PAPPA: variants seen among roughly 807,000 people sequenced by gnomAD.
PAPPA encodes pappalysin-1.
In PAPPA, 60 loss-of-function variants were observed where a neutral mutation model predicts 164.0. The ratio of observed to expected loss-of-function variants is 0.37; its 90% CI spans 0.30 to 0.45. The LOEUF is 0.45. Among genes scored for constraint, PAPPA ranks in the 20% least tolerant of loss-of-function variants. PAPPA has a pLI of 1.00. For missense variants in PAPPA, 1,782 were observed against 2,087.3 expected (o/e 0.85, Z 2.85); for synonymous variants, 875 against 814.1 (o/e 1.07, Z -1.27).
At chr9:116,257,723 G>C (rs1207199114) in intron 7 of PAPPA, among the ~76,000 whole-genome samples, 1 of 151,818 alleles carries the variant, frequency 6.6e-6, no homozygotes, top group Non-Finnish European at 1.5e-5. Flanking sequence ...AAAGTCTGAG[G>C]ATTGAAAAGG....
chr9:116,388,147 A>C (rs905556589), intron 21 of PAPPA, among the ~76,000 whole-genome samples: 1 of 152,228 alleles, frequency 6.6e-6, no homozygotes, highest in African/African-American at 2.4e-5. Context: ...CGGCTGGCAG[A>C]CAAGAGCAAG....
rs779997395 is a variant in PAPPA at position 116,331,251 on chromosome 9, G to A, written c.3155G>A (p.Arg1052Gln). ...TTCTTTATATTTTTCCAGGTGTGTC[G>A]AACCAAGGTGATAGATCTCAGTGAA... ...IGQPAASQVC[R>Q]TKVIDLSEGI... Residue 1052 changes from arginine to glutamine, a missense_variant, in exon 11 of 22, where the codon CGA (arginine) becomes CAA (glutamine). This residue lies in a region of PAPPA where 1,324 missense variants were observed against 1,656.9 expected (regional missense o/e 0.80). Transcript: ENST00000328252. 2.0e-5 allele frequency: 32 copies of A among 1,597,552 alleles called. No homozygotes were observed. The highest frequency in any genetic ancestry group is 1.1e-4 in the African/African-American group (8 of 74,532).
At chr9:116,173,932 C>T (rs1843801726) in intron 1 of PAPPA, among the ~76,000 whole-genome samples, 2 of 151,888 alleles carry the variant, frequency 1.3e-5, no homozygotes, top group Admixed American at 1.3e-4. Flanking sequence ...TCAGCTTTCC[C>T]CTGACTAAGC....
chr9:116,293,693 G>A (rs1351996638), intron 9 of PAPPA, among the ~76,000 whole-genome samples: 1 of 152,236 alleles, frequency 6.6e-6, no homozygotes, highest in Non-Finnish European at 1.5e-5. Context: ...GGTGGCTCAT[G>A]CCTGTAATCC....
intron 2 of PAPPA, among the ~76,000 whole-genome samples, chr9:116,202,609 G>A (rs993802807): frequency 1.2e-4 from 19 of 152,238 alleles, no homozygotes; most frequent in Admixed American, 4.6e-4. Flanking sequence ...CTTGAGAGGC[G>A]GCTCAGGGGA....
intron 7 of PAPPA, among the ~76,000 whole-genome samples, chr9:116,249,154 G>A (rs1024445764): frequency 2.0e-5 from 3 of 152,204 alleles, no homozygotes; most frequent in Non-Finnish European, 2.9e-5. Flanking sequence ...TCTACTTAAT[G>A]TGAAAGTAAA....
intron 10 of PAPPA, among the ~76,000 whole-genome samples, chr9:116,321,385 A>G (rs1014118109): frequency 2.6e-5 from 4 of 152,186 alleles, no homozygotes; most frequent in African/African-American, 9.7e-5. Context: ...GAAGATAGAA[A>G]AGACAAGAGC....
Position 116,251,371 on chromosome 9 carries a change from T to A in PAPPA, c.2733-14486T>A, listed in dbSNP as rs1440915144. 1.2e-4 allele frequency among the ~76,000 whole-genome samples: 19 copies of A among 152,154 alleles called. 1 individual carries two copies. The highest frequency in any genetic ancestry group is 1.2e-3 in the Admixed American group (19 of 15,272). ...GGGGAGAGAAGAAAGAGAAGCCCAG[T>A]CCCCAAATGGTTTTAGATGTGGTGC... On this transcript the variant is annotated intron_variant, in intron 7 of 21. Transcript: ENST00000328252.
intron 4 of PAPPA, among the ~76,000 whole-genome samples, chr9:116,214,889 T>A: frequency 6.6e-6 from 1 of 152,174 alleles, no homozygotes; most frequent in East Asian, 1.9e-4. Flanking sequence ...AAGGAATATA[T>A]CCAAAGCAAA....
rs1398044264 is a variant in PAPPA at position 116,155,000 on chromosome 9, A to C, written c.415+413A>C. Reference sequence around the variant, plus strand: ...GACCGTTGATTTCTTTGACGTTTTAATGGAGGTAACTCCCCTTCATTAGGC... The same window carrying C: ...GACCGTTGATTTCTTTGACGTTTTACTGGAGGTAACTCCCCTTCATTAGGC... On this transcript the variant is annotated intron_variant, in intron 1 of 21. Coordinates refer to ENST00000328252, the MANE Select transcript of PAPPA (RefSeq NM_002581.5). This position sits in a 1 kb window ranked among gnomAD's most constrained non-coding sequence, Gnocchi z 5.2. Among the ~76,000 whole-genome samples the C allele has an allele frequency of 2.6e-5, 4 of 152,174 alleles. No individual in the cohort carries two copies. The highest frequency in any genetic ancestry group is 5.9e-5 in the Non-Finnish European group (4 of 68,028).
At position 116,207,416 on chromosome 9, in the gene PAPPA, T is replaced by G. The variant is rs766211248; in HGVS notation, c.1479-40T>G. 1.5e-5 allele frequency: 23 copies of G among 1,574,968 alleles called. No individual in the cohort carries two copies. In the African/African-American group the frequency reaches 2.4e-4, roughly 17 times the overall value. ...ATTTGGAGAGGGCCTGTTATCTTTT[T>G]GGGGGCATGATAACAGCCAAGGTTC... On this transcript the variant is annotated intron_variant, in intron 2 of 21. Coordinates refer to ENST00000328252, the MANE Select transcript of PAPPA (RefSeq NM_002581.5).
intron 1 of PAPPA, among the ~76,000 whole-genome samples, chr9:116,174,108 T>C (rs1277576659): frequency 6.6e-6 from 1 of 152,226 alleles, no homozygotes; most frequent in Non-Finnish European, 1.5e-5. Flanking sequence ...AATATTTCCC[T>C]GCTTGCATTA....
At chr9:116,172,693 T>C (rs1843787658) in intron 1 of PAPPA, among the ~76,000 whole-genome samples, 1 of 152,196 alleles carries the variant, frequency 6.6e-6, no homozygotes, top group South Asian at 2.1e-4. Flanking sequence ...ATCAATCTTC[T>C]CTGTTTCATA....
In PAPPA at chr9:116,154,155, C is replaced by CGGTGCGGGGGGGAGGGGGGGGG; in HGVS notation, c.-16_-15insTGCGGGGGGGAGGGGGGGGGGG. 1 of 464,990 alleles carries CGGTGCGGGGGGGAGGGGGGGGG rather than the reference C, an allele frequency of 2.2e-6. No individual in the cohort carries two copies. Among genetic ancestry groups the CGGTGCGGGGGGGAGGGGGGGGG allele is most frequent in the Non-Finnish European group, 2.9e-6 (1 of 345,720 alleles). 28.8% of individuals were successfully genotyped at this position (464,990 alleles called of 1,614,324 possible). On this transcript the variant is annotated 5_prime_UTR_variant, in exon 1 of 22. Coordinates refer to ENST00000328252, the MANE Select transcript of PAPPA (RefSeq NM_002581.5). This position sits in a 1 kb window ranked among gnomAD's most constrained non-coding sequence, Gnocchi z 5.2. ...TGGCGGTGCAGGGGCGAAGGGGGGG[C>CGGTGCGGGGGGGAGGGGGGGGG]GGGGGGAACCGTCGGACATGCGGCT...
At chr9:116,362,980 G>A (rs1178061809) in intron 18 of PAPPA, among the ~76,000 whole-genome samples, 1 of 152,212 alleles carries the variant, frequency 6.6e-6, no homozygotes, top group African/African-American at 2.4e-5. Context: ...GCTGTCAGGT[G>A]CCTGGTGGGG....
rs149371408 is a variant in PAPPA at position 116,345,360 on chromosome 9, G to T, written c.3780+649G>T. ...CAGCTAACTAGACAGATCAGCAAAG[G>T]GGTGTGTGTTGGGGAGAAGGAAGAA... On this transcript the variant is annotated intron_variant, in intron 14 of 21. Coordinates refer to ENST00000328252, the MANE Select transcript of PAPPA (RefSeq NM_002581.5). Among the ~76,000 whole-genome samples the T allele has an allele frequency of 4.6e-4, 69 of 151,630 alleles. No homozygotes were observed. In the East Asian group the frequency reaches 0.011, roughly 24 times the overall value.
At chr9:116,333,144 G>T (rs1012950800) in intron 12 of PAPPA, among the ~76,000 whole-genome samples, 3 of 152,094 alleles carry the variant, frequency 2.0e-5, no homozygotes, top group African/African-American at 7.2e-5. Context: ...AGAGGAGAGA[G>T]CCTGAATCCA....
intron 10 of PAPPA, among the ~76,000 whole-genome samples, chr9:116,308,720 C>G (rs889320479): frequency 2.0e-5 from 3 of 152,208 alleles, no homozygotes; most frequent in African/African-American, 7.2e-5. Context: ...GGCATTCCCT[C>G]TCTCTAATAC....
chr9:116,192,928 G>A (rs569184146), intron 2 of PAPPA, among the ~76,000 whole-genome samples: 1 of 152,252 alleles, frequency 6.6e-6, no homozygotes, highest in East Asian at 1.9e-4. Context: ...GGATATTGCA[G>A]CAAACCAACC....
Sources: gnomAD v4.1 joint callset for allele counts (sites outside exome capture counted in the v4.1 genomes callset) on GRCh38, gnomAD v4.1.1 for gene constraint, gnomAD v4.1.1 regional missense constraint, Gnocchi (gnomAD v3.1) non-coding constraint, MANE v1.5 for transcripts, NCBI Gene and HGNC (gene_info 2026-07-23, HGNC 2026-07-21) for gene names.